The following LPP variants were observed in gnomAD, a reference collection of about 807,000 sequenced individuals.
LPP encodes the protein lipoma-preferred partner.
A neutral mutation model predicts 60.4 loss-of-function variants in LPP; 38 were observed. The ratio of observed to expected loss-of-function variants is 0.63; its 90% confidence interval spans 0.49 to 0.83. LPP has a LOEUF of 0.83. Ranked by LOEUF, LPP falls within the 40% of genes least tolerant of loss-of-function variation. The pLI is 0.00. For missense variants in LPP, 902 were observed against 783.6 expected (o/e 1.15, Z -1.80); for synonymous variants, 328 against 290.8 (o/e 1.13, Z -1.30).
intron 3 of LPP, among the ~76,000 whole-genome samples, chr3:188,391,107 A>G (rs1053263253): frequency 6.6e-5 from 10 of 152,316 alleles, no homozygotes; most frequent in Middle Eastern, 3.4e-3. Flanking sequence ...TCATGAGTAC[A>G]AAGACTCATC....
chr3:188,465,910 A>G (rs1178607981), intron 4 of LPP, among the ~76,000 whole-genome samples: 1 of 152,184 alleles, frequency 6.6e-6, no homozygotes, highest in Non-Finnish European at 1.5e-5. Flanking sequence ...TCAGTTATCA[A>G]GGGCCAAGTC....
chr3:188,804,195 CG>C (rs1454221412), intron 9 of LPP, among the ~76,000 whole-genome samples: 6 of 115,000 alleles, frequency 5.2e-5, no homozygotes, highest in Admixed American at 1.0e-4. Context: ...TTTTTTTATT[CG>C]GGGGGAGGTT....
Position 188,452,370 on chromosome 3 carries a change from C to T in LPP, c.194-32222C>T, listed in dbSNP as rs182194856. Among the ~76,000 whole-genome samples, 630 of 152,146 alleles carry T rather than the reference C, an allele frequency of 4.1e-3. 3 individuals carry two copies. Among genetic ancestry groups the T allele is most frequent in the African/African-American group, 0.014 (585 of 41,534 alleles). On this transcript the variant is annotated intron_variant, in intron 4 of 11. Transcript: ENST00000617246. ...GCATGTTGTGCGGCTGACTGGCCCCCACCTCCTCTTGTTTCCTTTCTCCCC... is the reference window on the plus strand; with the variant it reads ...GCATGTTGTGCGGCTGACTGGCCCCTACCTCCTCTTGTTTCCTTTCTCCCC...
chr3:188,443,723 C>T (rs2149281928), intron 4 of LPP, among the ~76,000 whole-genome samples: 1 of 152,282 alleles, frequency 6.6e-6, no homozygotes, highest in Middle Eastern at 3.4e-3. Context: ...AAGATGGAAA[C>T]AAGTGTTCCA....
At chr3:188,341,025 T>G (rs755875463) in intron 2 of LPP, among the ~76,000 whole-genome samples, 3 of 152,164 alleles carry the variant, frequency 2.0e-5, no homozygotes, top group Non-Finnish European at 2.9e-5. Context: ...TATGAAGAAA[T>G]TGACACTCAT....
At chr3:188,730,519 A>G (rs980062566) in intron 8 of LPP, among the ~76,000 whole-genome samples, 22 of 152,228 alleles carry the variant, frequency 1.4e-4, no homozygotes, top group African/African-American at 7.2e-5. Context: ...TATTCTGGGA[A>G]TCTGGTAAGG....
rs61553727 is a variant in LPP at position 188,592,804 on chromosome 3, C to T, written c.430-16357C>T. On this transcript the variant is annotated intron_variant, in intron 6 of 11. Transcript: ENST00000617246. ...ATCTGCCTGCCTTGGCCTCCCAAAG[C>T]GCTGGTATTACAGGTGTCAGCCACT... Among the ~76,000 whole-genome samples, 1,084 of 151,886 alleles carry T rather than the reference C, an allele frequency of 7.1e-3. 6 individuals are homozygous for T. The highest frequency in any genetic ancestry group is 0.024 in the African/African-American group (998 of 41,426).
At chr3:188,736,083 A>G (rs1413603332) in intron 8 of LPP, among the ~76,000 whole-genome samples, 1 of 152,226 alleles carries the variant, frequency 6.6e-6, no homozygotes, top group Non-Finnish European at 1.5e-5. Flanking sequence ...AATGATACGC[A>G]CAGTCCAGAT....
At chr3:188,423,854 C>T (rs1471613927) in intron 4 of LPP, among the ~76,000 whole-genome samples, 2 of 151,662 alleles carry the variant, frequency 1.3e-5, no homozygotes, top group South Asian at 2.1e-4. Context: ...TGGATATTAG[C>T]CCTTTGTCAG....
intron 6 of LPP, among the ~76,000 whole-genome samples, chr3:188,559,850 C>G (rs546122217): frequency 6.6e-5 from 10 of 152,196 alleles, no homozygotes; most frequent in Non-Finnish European, 8.8e-5. Flanking sequence ...TAACACTGTT[C>G]CCCCAAACCG....
intron 3 of LPP, among the ~76,000 whole-genome samples, chr3:188,374,202 G>C (rs1774219506): frequency 6.6e-6 from 1 of 151,854 alleles, no homozygotes; most frequent in African/African-American, 2.4e-5. Flanking sequence ...CTGTTTTTTG[G>C]TTCCAGATGA....
intron 5 of LPP, among the ~76,000 whole-genome samples, chr3:188,494,687 A>C (rs111561601): frequency 6.6e-6 from 1 of 151,880 alleles, no homozygotes; most frequent in African/African-American, 2.4e-5. Flanking sequence ...ATCTAAGCCA[A>C]AGAAAGCTTC....
intron 7 of LPP, among the ~76,000 whole-genome samples, chr3:188,628,163 A>C (rs1407793729): frequency 6.6e-6 from 1 of 152,150 alleles, no homozygotes; most frequent in East Asian, 1.9e-4. Context: ...GAAAAATCTC[A>C]ACAACCTAAC....
chr3:188,283,331 C>T (rs1742754534), intron 2 of LPP, among the ~76,000 whole-genome samples: 2 of 152,176 alleles, frequency 1.3e-5, no homozygotes, highest in Admixed American at 1.3e-4. Context: ...GAAGACTTTG[C>T]AGTTGCCCCT....
rs143825763 is a variant in LPP, at chr3:188,173,360, C to T, written c.-190+19108C>T. Reference sequence around the variant, plus strand: ...TATTTAAAAAAATACAAAAATTAGCCGGGTGTGGTGGCTCACGCCTGTAGT... The same window carrying T: ...TATTTAAAAAAATACAAAAATTAGCTGGGTGTGGTGGCTCACGCCTGTAGT... On this transcript the variant is annotated intron_variant, in intron 1 of 11. Coordinates refer to ENST00000617246, the MANE Select transcript of LPP (RefSeq NM_001375462.1). Among the ~76,000 whole-genome samples the T allele has an allele frequency of 3.4e-3, 511 of 152,008 alleles. 7 individuals carry two copies. Among genetic ancestry groups the T allele is most frequent in the African/African-American group, 0.011 (462 of 41,456 alleles).
rs75130080 is a variant in LPP, at chr3:188,580,955, T to G, written c.430-28206T>G. 8.0e-3 allele frequency among the ~76,000 whole-genome samples: 1,214 copies of G among 152,192 alleles called. 7 individuals carry two copies. Among genetic ancestry groups the G allele is most frequent in the Non-Finnish European group, 0.011 (781 of 68,012 alleles). ...AGCTCTACTTCCAAGACCTTTCAAC[T>G]GATTGAATCAGGCTCAACCAGGTTA... On this transcript the variant is annotated intron_variant, in intron 6 of 11. Transcript: ENST00000617246.
At chr3:188,812,740 CA>C (rs1751361874) in intron 9 of LPP, among the ~76,000 whole-genome samples, 1 of 151,688 alleles carries the variant, frequency 6.6e-6, no homozygotes, top group African/African-American at 2.4e-5. Flanking sequence ...GATTTCCCCT[CA>C]TGCCCAGGAG....
intron 6 of LPP, among the ~76,000 whole-genome samples, chr3:188,560,282 C>T (rs1244786706): frequency 1.3e-5 from 2 of 152,026 alleles, no homozygotes; most frequent in African/African-American, 4.8e-5. Context: ...TATGCTACCA[C>T]CAAGGAGTCG....
At chr3:188,516,530 A>G (rs1316332745) in intron 5 of LPP, among the ~76,000 whole-genome samples, 1 of 151,900 alleles carries the variant, frequency 6.6e-6, no homozygotes, top group Non-Finnish European at 1.5e-5. Flanking sequence ...AACCATATAT[A>G]TGACATAATA....
Sources: gnomAD v4.1 joint callset for allele counts (sites outside exome capture counted in the v4.1 genomes callset) on GRCh38, gnomAD v4.1.1 for gene constraint, MANE v1.5 for transcripts, NCBI Gene and HGNC (gene_info 2026-07-23, HGNC 2026-07-21) for gene names.